The following ANK2 variants were observed in gnomAD, a reference collection of about 807,000 sequenced individuals.
ANK2 encodes ankyrin-2.
In ANK2, 83 loss-of-function variants were observed where a neutral mutation model predicts 360.5. The ratio of observed to expected loss-of-function variants is 0.23; its 90% CI spans 0.19 to 0.28. The LOEUF (loss-of-function observed/expected upper bound fraction) is 0.28. Ranked by LOEUF, ANK2 falls within the 10% of genes least tolerant of loss-of-function variation. The pLI is 1.00. For missense variants in ANK2, 4,201 were observed against 4,795.7 expected, an observed-to-expected ratio of 0.88 and a Z score of 3.66; for synonymous variants, 1,740 against 1,759.5, an observed-to-expected ratio of 0.99 and a Z score of 0.28.
chr4:113,099,893 T>A (rs553717684), intron 1 of ANK2, among the ~76,000 whole-genome samples: 1 of 152,112 alleles, frequency 6.6e-6, no homozygotes, highest in East Asian at 1.9e-4. Flanking sequence ...TTTCAACAAA[T>A]GGTGCTGGAA....
chr4:112,952,498 A>C (rs1473425112), intron 2 of ANK2, among the ~76,000 whole-genome samples: 1 of 152,210 alleles, frequency 6.6e-6, no homozygotes, highest in Non-Finnish European at 1.5e-5. Context: ...CTGCAGAGCC[A>C]TGAAAGAGAC....
At chr4:112,963,893 C>T (rs1163639067) in intron 2 of ANK2, among the ~76,000 whole-genome samples, 2 of 151,800 alleles carry the variant, frequency 1.3e-5, no homozygotes, top group East Asian at 3.9e-4. Context: ...CGGTAGCCAA[C>T]TATTTATAGT....
chr4:113,227,414 A>G (rs2099237672), intron 4 of ANK2, among the ~76,000 whole-genome samples: 1 of 152,184 alleles, frequency 6.6e-6, no homozygotes, highest in African/African-American at 2.4e-5. Context: ...TGAACTTTCT[A>G]AAATGCAAAT....
chr4:112,775,694 C>G, the ANK2 span, among the ~76,000 whole-genome samples: 2 of 152,044 alleles, frequency 1.3e-5, no homozygotes, highest in Non-Finnish European at 2.9e-5. Flanking sequence ...AAGTATATCA[C>G]TTTAAGTTTG....
intron 1 of ANK2, among the ~76,000 whole-genome samples, chr4:113,056,140 GAAAC>G (rs1284743092): frequency 6.6e-6 from 1 of 152,142 alleles, no homozygotes; most frequent in Non-Finnish European, 1.5e-5. Context: ...AAAAATGTAA[GAAAC>G]AAAACTTAAG....
intron 2 of ANK2, among the ~76,000 whole-genome samples, chr4:112,973,173 A>T (rs2040185142): frequency 6.7e-6 from 1 of 150,188 alleles, no homozygotes; most frequent in South Asian, 2.1e-4. Context: ...CTATTGAAAT[A>T]AATCATTTGC....
At chr4:113,140,921 T>G (rs2096613783) in intron 1 of ANK2, among the ~76,000 whole-genome samples, 1 of 151,532 alleles carries the variant, frequency 6.6e-6, no homozygotes, top group Non-Finnish European at 1.5e-5. Flanking sequence ...GAGGTTGCAA[T>G]GAGCCAAGGT....
In ANK2 at chr4:113,255,452, G is replaced by A. The variant is rs140943053; in HGVS notation, c.991-283G>A. On this transcript the variant is annotated intron_variant, in intron 10 of 45. Coordinates refer to ENST00000357077, the MANE Select transcript of ANK2 (RefSeq NM_001148.6). The stretch of plus-strand genomic sequence containing the variant: ...TATTTATTTTTCTGTATTTAATATT[G>A]CCCTAATAACTGTAAAATCAGGCTA... Among the ~76,000 whole-genome samples the A allele has an allele frequency of 4.2e-3, 633 of 152,182 alleles. 6 individuals are homozygous for A. Among genetic ancestry groups the A allele is most frequent in the African/African-American group, 0.014 (594 of 41,522 alleles).
At chr4:113,240,960 AC>A (rs1304447613) in intron 8 of ANK2, among the ~76,000 whole-genome samples, 2 of 152,234 alleles carry the variant, frequency 1.3e-5, no homozygotes, top group Non-Finnish European at 2.9e-5. Context: ...ACTGTAGGGC[AC>A]ACAATTTGAT....
Position 113,381,812 on chromosome 4 carries a change from G to A in ANK2, c.*341G>A, listed in dbSNP as rs1489801728. On this transcript the variant is annotated 3_prime_UTR_variant, in exon 46 of 46. Coordinates refer to ENST00000357077, the MANE Select transcript of ANK2 (RefSeq NM_001148.6). Reference sequence around the variant, plus strand: ...TTCCCCCATCCTCTTTAACTATAAAGCTAATTTGTGACCAAAGATGGCATC... The same window carrying A: ...TTCCCCCATCCTCTTTAACTATAAAACTAATTTGTGACCAAAGATGGCATC... 1 of 569,940 alleles carries A rather than the reference G, an allele frequency of 1.8e-6. No homozygotes were observed. The allele number at this position is 569,940 out of a possible 1,614,324, so 35.3% of individuals were successfully genotyped here.
At chr4:112,821,351 G>T (rs768152951) in intron 1 of ANK2, among the ~76,000 whole-genome samples, 17 of 152,154 alleles carry the variant, frequency 1.1e-4, no homozygotes, top group Non-Finnish European at 2.4e-4. Flanking sequence ...ACCTAGTTCA[G>T]ATTGGGAAAT....
intron 1 of ANK2, among the ~76,000 whole-genome samples, chr4:112,892,061 G>C (rs149638167): frequency 6.6e-6 from 1 of 152,254 alleles, no homozygotes; most frequent in Non-Finnish European, 1.5e-5. Context: ...GATGATAGCA[G>C]TGGGTGGGTG....
chr4:113,154,356 G>A (rs1343456361), intron 1 of ANK2, among the ~76,000 whole-genome samples: 9 of 152,188 alleles, frequency 5.9e-5, no homozygotes, highest in South Asian at 4.1e-4. Context: ...ACAATGTTAT[G>A]AAAATGTGTC....
chr4:113,337,903 G>A (rs2093756590), intron 31 of ANK2, among the ~76,000 whole-genome samples: 1 of 152,172 alleles, frequency 6.6e-6, no homozygotes, highest in Non-Finnish European at 1.5e-5. Context: ...AATAGGTGAG[G>A]CAGAAGAATA....
At chr4:113,296,548 G>T (rs528105166) in intron 22 of ANK2, among the ~76,000 whole-genome samples, 1 of 152,062 alleles carries the variant, frequency 6.6e-6, no homozygotes, top group African/African-American at 2.4e-5. Flanking sequence ...GAATAAAGTC[G>T]TTGTGTAGAG....
At chr4:113,174,652 G>T in intron 2 of ANK2, 135 bp downstream of exon 2, 1 of 691,740 alleles carries the variant, frequency 1.4e-6, no homozygotes, top group South Asian at 1.8e-5. Flanking sequence ...CCCATTTTTT[G>T]CCCCCTTACC....
rs114644307 is a variant in ANK2 at position 113,041,426 on chromosome 4, C to T, written c.22-132990C>T. On this transcript the variant is annotated intron_variant, in intron 2 of 30. Transcript: ENST00000503271. ...GGCTTCTCAAATCTCTCCAGCTCTT[C>T]ATGGGAGATGGGCTCAGTTTGGTGG... 6.9e-3 allele frequency among the ~76,000 whole-genome samples: 1,054 copies of T among 152,248 alleles called. 13 individuals are homozygous for T. Among genetic ancestry groups the T allele is most frequent in the African/African-American group, 0.023 (962 of 41,570 alleles).
intron 1 of ANK2, among the ~76,000 whole-genome samples, chr4:113,130,142 T>C (rs568129471): frequency 6.6e-6 from 1 of 152,284 alleles, no homozygotes; most frequent in Admixed American, 6.5e-5. Context: ...GGATGAAAAC[T>C]AACTTTGTCT....
the ANK2 span, among the ~76,000 whole-genome samples, chr4:112,802,685 G>A: frequency 2.6e-5 from 4 of 152,022 alleles, no homozygotes; most frequent in African/African-American, 9.7e-5. Context: ...GAAATTTTGA[G>A]TAAATTGGGT....
Sources: gnomAD v4.1 joint callset for allele counts (sites outside exome capture counted in the v4.1 genomes callset) on GRCh38, gnomAD v4.1.1 for gene constraint, MANE v1.5 for transcripts, NCBI Gene and HGNC (gene_info 2026-07-23, HGNC 2026-07-21) for gene names.